Variants in SLC35F4 observed in about 807,000 individuals in gnomAD.
SLC35F4 encodes solute carrier family 35 member F4, also known as chromosome 14 open reading frame 36.
A neutral mutation model predicts 44.2 loss-of-function variants in SLC35F4; 24 were observed. The ratio of observed to expected loss-of-function variants is 0.54; its 90% CI spans 0.39 to 0.76. SLC35F4 has a LOEUF of 0.76. SLC35F4 is among the 30% of genes least tolerant of loss of function. The pLI, the probability that SLC35F4 is intolerant of heterozygous loss-of-function variation, is 0.00. For synonymous variants in SLC35F4, 238 were observed against 223.6 expected (o/e 1.06, Z -0.57); for missense variants, 562 against 586.1 (o/e 0.96, Z 0.42).
chr14:57,589,261 T>A lies in SLC35F4; in HGVS notation c.542A>T (p.His181Leu), dbSNP rs1172337891. ...IMFFPVYYSGHLATAQEKQSP... is the reference protein window; with the variant it reads ...IMFFPVYYSGLLATAQEKQSP... ...TTGCTTTTCTTGAGCAGTGGCTAGA[T>A]GACCAGAATAATAGACTGGGAAAAA... The change falls in exon 3 of 8, where the codon CAT becomes CTT. Residue 181 changes from histidine (H) to leucine (L), a missense_variant. Physicochemically the swap from His to Leu is moderately conservative, Grantham distance 99. Coordinates refer to ENST00000556826, the MANE Select transcript of SLC35F4 (RefSeq NM_001306087.2). 1.2e-5 allele frequency: 19 copies of A among 1,613,554 alleles called. No individual in the cohort carries two copies. The highest frequency in any genetic ancestry group is 1.5e-5 in the Non-Finnish European group (18 of 1,179,770).
At chr14:57,769,370 C>T (rs2077307327) in intron 1 of SLC35F4, among the ~76,000 whole-genome samples, 2 of 152,050 alleles carry the variant, frequency 1.3e-5, no homozygotes, top group Non-Finnish European at 2.9e-5. Flanking sequence ...CTATGCAAAA[C>T]CAGGTGAATT....
chr14:57,608,407 A>C lies in SLC35F4; in HGVS notation c.104-14283T>G, dbSNP rs146774586. ...CACACTCATGGGGAGAACACCATGT[A>C]AAGATGAAGCCAGAGAAAGAATGGA... is the stretch of plus-strand genomic sequence containing the variant. On this transcript the variant is annotated intron_variant, in intron 1 of 7. Coordinates refer to ENST00000556826, the MANE Select transcript of SLC35F4 (RefSeq NM_001306087.2). 6.2e-3 allele frequency among the ~76,000 whole-genome samples: 944 copies of C among 152,294 alleles called. 13 individuals are homozygous for C. The highest frequency in any genetic ancestry group is 0.021 in the African/African-American group (888 of 41,544).
intron 1 of SLC35F4, among the ~76,000 whole-genome samples, chr14:57,710,986 G>C (rs894490830): frequency 6.6e-6 from 1 of 152,070 alleles, no homozygotes. Context: ...ATTGTGTTTT[G>C]AAATGTGAGG....
At chr14:57,751,562 G>A (rs567135542) in intron 1 of SLC35F4, among the ~76,000 whole-genome samples, 13 of 152,302 alleles carry the variant, frequency 8.5e-5, no homozygotes, top group African/African-American at 3.1e-4. Flanking sequence ...GAAACACGTC[G>A]ATTTACTTTA....
At chr14:57,971,835 A>G (rs1594662776), downstream of SLC35F4, among the ~76,000 whole-genome samples, 1 of 152,212 alleles carries the variant, frequency 6.6e-6, no homozygotes, top group East Asian at 1.9e-4. Flanking sequence ...GACTATAGTT[A>G]ATAATGCTGT....
At chr14:57,598,346 C>T (rs2070613975) in intron 1 of SLC35F4, among the ~76,000 whole-genome samples, 1 of 152,226 alleles carries the variant, frequency 6.6e-6, no homozygotes, top group Admixed American at 6.5e-5. Flanking sequence ...ATTTCTGTCA[C>T]TAGCAGAGCG....
chr14:57,921,266 T>C (rs997341606), intron 1 of SLC35F4, among the ~76,000 whole-genome samples: 6 of 152,136 alleles, frequency 3.9e-5, no homozygotes, highest in Non-Finnish European at 5.9e-5. Flanking sequence ...TTGTGTACCA[T>C]GCAGAGGGAT....
At chr14:57,785,196 C>T (rs935688417) in intron 1 of SLC35F4, among the ~76,000 whole-genome samples, 1 of 152,092 alleles carries the variant, frequency 6.6e-6, no homozygotes, top group African/African-American at 2.4e-5. Context: ...AATTAAGCCT[C>T]GGTTACCTGA....
At chr14:57,818,135 T>C (rs1481567651) in intron 1 of SLC35F4, among the ~76,000 whole-genome samples, 1 of 152,176 alleles carries the variant, frequency 6.6e-6, no homozygotes, top group Non-Finnish European at 1.5e-5. Context: ...TAGCACTTAA[T>C]AATCAGAGAC....
chr14:57,923,044 C>T (rs1183272234), intron 1 of SLC35F4, among the ~76,000 whole-genome samples: 18 of 152,094 alleles, frequency 1.2e-4, no homozygotes, highest in Non-Finnish European at 2.1e-4. Flanking sequence ...TGGTAGGTGC[C>T]GTTGTATCTA....
intron 1 of SLC35F4, among the ~76,000 whole-genome samples, chr14:57,617,130 C>CTTTTTTT (rs3054446): frequency 0.47 from 46,492 of 98,218 alleles, 13,670 homozygotes; most frequent in Non-Finnish European, 0.52. Context: ...TGTACTTATT[C>CTTTTTTT]TTTTTTTTTT....
intron 1 of SLC35F4, among the ~76,000 whole-genome samples, chr14:57,937,796 A>T (rs1338670328): frequency 6.6e-6 from 1 of 152,148 alleles, no homozygotes; most frequent in East Asian, 1.9e-4. Context: ...TCTGGGCAGA[A>T]AGTGAGTCAA....
At chr14:57,982,083 G>A (rs1881397702), upstream of SLC35F4, 1 of 151,996 alleles carries the variant, frequency 6.6e-6, no homozygotes, top group Non-Finnish European at 1.5e-5. Context: ...GCTTCCAGTC[G>A]GCTCCTCACC....
At chr14:57,620,314 G>A (rs2072106600) in intron 1 of SLC35F4, among the ~76,000 whole-genome samples, 1 of 152,116 alleles carries the variant, frequency 6.6e-6, no homozygotes, top group East Asian at 1.9e-4. Flanking sequence ...CACACAAAGG[G>A]AAGCCCATCA....
intron 1 of SLC35F4, among the ~76,000 whole-genome samples, chr14:57,761,160 T>C (rs1013351167): frequency 1.3e-5 from 2 of 152,160 alleles, no homozygotes; most frequent in African/African-American, 4.8e-5. Flanking sequence ...TTGGCCTTCA[T>C]TGCCTGAAAT....
chr14:57,944,740 A>C (rs954754046), intron 1 of SLC35F4, among the ~76,000 whole-genome samples: 2 of 138,166 alleles, frequency 1.4e-5, no homozygotes, highest in Non-Finnish European at 3.3e-5. Context: ...AGAAAGAAAG[A>C]AAGAAAGAAA....
intron 3 of SLC35F4, among the ~76,000 whole-genome samples, chr14:57,583,402 C>A (rs920159227): frequency 2.0e-5 from 3 of 152,096 alleles, no homozygotes. Context: ...TATTAAGAAC[C>A]ACAACAAAAC....
intron 1 of SLC35F4, among the ~76,000 whole-genome samples, chr14:57,844,762 G>A (rs1244928904): frequency 2.0e-5 from 3 of 152,104 alleles, no homozygotes; most frequent in Non-Finnish European, 2.9e-5. Flanking sequence ...CAGGTACCTC[G>A]AAGGAGTCAA....
intron 1 of SLC35F4, among the ~76,000 whole-genome samples, chr14:57,873,437 T>G (rs1888335305): frequency 6.6e-6 from 1 of 152,252 alleles, no homozygotes; most frequent in Admixed American, 6.5e-5. Flanking sequence ...AGGAAAATGG[T>G]TTAGTAAATC....
Sources: allele counts gnomAD v4.1 joint callset (sites outside exome capture counted in the v4.1 genomes callset), GRCh38; gene constraint gnomAD v4.1.1; transcripts MANE v1.5; gene names NCBI Gene and HGNC (gene_info 2026-07-23, HGNC 2026-07-21).